RBFOX1: variants seen among roughly 807,000 people sequenced by gnomAD.
RBFOX1 encodes the protein RNA binding protein fox-1 homolog 1.
In RBFOX1, 8 loss-of-function variants were observed where a neutral mutation model predicts 57.7. The ratio of observed to expected loss-of-function variants is 0.14; its 90% CI spans 0.08 to 0.25. RBFOX1 has a LOEUF of 0.25. RBFOX1 is among the 10% of genes least tolerant of loss of function. RBFOX1 has a pLI of 1.00. For missense variants in RBFOX1, 611 were observed against 548.5 expected, an observed-to-expected ratio of 1.11 and a Z score of -1.14; for synonymous variants, 326 against 222.4, an observed-to-expected ratio of 1.47 and a Z score of -4.15.
chr16:7,445,249 G>T (rs2098799314), intron 4 of RBFOX1, among the ~76,000 whole-genome samples: 1 of 152,148 alleles, frequency 6.6e-6, no homozygotes, highest in South Asian at 2.1e-4. Context: ...ACAGTGGAAA[G>T]AAATTAATAA....
intron 4 of RBFOX1, among the ~76,000 whole-genome samples, chr16:7,325,147 C>T (rs1434046593): frequency 6.6e-6 from 1 of 152,180 alleles, no homozygotes; most frequent in Non-Finnish European, 1.5e-5. Flanking sequence ...ATTCTGTTGT[C>T]ACTATGACAA....
At chr16:6,380,828 C>G (rs1252883138) in intron 2 of RBFOX1, among the ~76,000 whole-genome samples, 1 of 152,152 alleles carries the variant, frequency 6.6e-6, no homozygotes, top group Non-Finnish European at 1.5e-5. Context: ...CTGCCTTCAG[C>G]AGTGCCCAAA....
At chr16:6,403,455 C>T (rs561275593) in intron 2 of RBFOX1, among the ~76,000 whole-genome samples, 18 of 152,154 alleles carry the variant, frequency 1.2e-4, no homozygotes, top group African/African-American at 2.2e-4. Flanking sequence ...CCTGGACCAC[C>T]GGAGCTCAGG....
At chr16:5,752,076 A>G (rs775424855) in intron 3 of RBFOX1, among the ~76,000 whole-genome samples, 4 of 152,218 alleles carry the variant, frequency 2.6e-5, no homozygotes, top group Non-Finnish European at 4.4e-5. Flanking sequence ...ATACCATGCA[A>G]TACTATCCAG....
intron 2 of RBFOX1, among the ~76,000 whole-genome samples, chr16:6,596,850 A>G (rs756382165): frequency 2.0e-5 from 3 of 152,190 alleles, no homozygotes; most frequent in Non-Finnish European, 2.9e-5. Context: ...ATAGTTCTAT[A>G]TAGTGCTATA....
At chr16:6,617,963 C>A (rs2098167848) in intron 2 of RBFOX1, among the ~76,000 whole-genome samples, 2 of 152,162 alleles carry the variant, frequency 1.3e-5, no homozygotes, top group Admixed American at 1.3e-4. Flanking sequence ...ATGCTGGTGT[C>A]TTGCAAGTGC....
intron 4 of RBFOX1, among the ~76,000 whole-genome samples, chr16:7,446,545 T>G (rs2098809084): frequency 6.6e-6 from 1 of 152,160 alleles, no homozygotes; most frequent in African/African-American, 2.4e-5. Context: ...TTAATTGCAT[T>G]TCTACCATAC....
At chr16:6,419,955 C>G (rs928034883) in intron 2 of RBFOX1, among the ~76,000 whole-genome samples, 1 of 152,142 alleles carries the variant, frequency 6.6e-6, no homozygotes, top group Non-Finnish European at 1.5e-5. Flanking sequence ...GCCCCCCCAT[C>G]CCTTCCCTTC....
chr16:5,272,293 T>C (rs1257148147), intron 1 of RBFOX1, among the ~76,000 whole-genome samples: 1 of 152,222 alleles, frequency 6.6e-6, no homozygotes, highest in Non-Finnish European at 1.5e-5. Context: ...TCATTCCACA[T>C]TGTATACAGA....
Position 5,580,791 on chromosome 16 carries a change from A to G in RBFOX1, c.259-18111A>G, listed in dbSNP as rs75834948. 8.5e-3 allele frequency among the ~76,000 whole-genome samples: 1,293 copies of G among 152,314 alleles called. 7 individuals carry two copies. The highest frequency in any genetic ancestry group is 0.037 in the Middle Eastern group (11 of 294). ...ACTGGTGGGATTCCAGCGAAGGGCA[A>G]TCCAGACCCAGGAAGCTGTAGGGCA... On this transcript the variant is annotated intron_variant, in intron 2 of 2. Transcript: ENST00000585867.
At chr16:6,004,927 C>T (rs890243741) in intron 4 of RBFOX1, among the ~76,000 whole-genome samples, 5 of 152,170 alleles carry the variant, frequency 3.3e-5, no homozygotes, top group African/African-American at 1.2e-4. Flanking sequence ...GAAGATGTCA[C>T]ATGCACAGTC....
At chr16:6,507,491 C>T (rs1407801853) in intron 2 of RBFOX1, among the ~76,000 whole-genome samples, 1 of 119,320 alleles carries the variant, frequency 8.4e-6, no homozygotes, top group Non-Finnish European at 1.6e-5. Context: ...GGCAACATAA[C>T]AAGACCCTAT....
At chr16:6,009,802 A>ATATGTGTGTGTGTCTCTGTGTGTG (rs2094949607) in intron 4 of RBFOX1, among the ~76,000 whole-genome samples, 1 of 58,562 alleles carries the variant, frequency 1.7e-5, no homozygotes, top group Non-Finnish European at 3.2e-5. Flanking sequence ...CAGTGTGTGT[A>ATATGTGTGTGTGTCTCTGTGTGTG]TGTGTGTGTG....
chr16:6,122,374 AC>A (rs2096557206), intron 1 of RBFOX1, among the ~76,000 whole-genome samples: 1 of 141,076 alleles, frequency 7.1e-6, no homozygotes, highest in East Asian at 3.3e-4. Context: ...ACACACACAC[AC>A]ACACACACAC....
intron 3 of RBFOX1, among the ~76,000 whole-genome samples, chr16:6,743,437 T>A (rs2072784712): frequency 1.3e-5 from 2 of 152,122 alleles, no homozygotes; most frequent in African/African-American, 4.8e-5. Flanking sequence ...ACATTTTAAA[T>A]ATAAAGACAC....
Position 5,790,340 on chromosome 16 carries a change from C to T in RBFOX1, c.319-76963C>T, listed in dbSNP as rs536074348. On this transcript the variant is annotated intron_variant, in intron 3 of 19. Transcript: ENST00000641259. ...GGAAAGGCTTGCCAGAGGGAGAAAC[C>T]CCTGCATTTTCCATTGTCCAAGGTG... is the stretch of plus-strand genomic sequence containing the variant. Among the ~76,000 whole-genome samples, 18 of 152,114 alleles carry T rather than the reference C, an allele frequency of 1.2e-4. No homozygotes were observed. The South Asian group carries it at 2.3e-3, about 19-fold the overall frequency.
At chr16:7,468,846 G>C (rs898767190) in intron 4 of RBFOX1, among the ~76,000 whole-genome samples, 1 of 152,142 alleles carries the variant, frequency 6.6e-6, no homozygotes, top group African/African-American at 2.4e-5. Flanking sequence ...CAAGAGTCAA[G>C]GGTGGGGAGG....
At chr16:6,466,128 C>T (rs2095044520) in intron 2 of RBFOX1, among the ~76,000 whole-genome samples, 1 of 151,432 alleles carries the variant, frequency 6.6e-6, no homozygotes, top group East Asian at 1.9e-4. Flanking sequence ...ACTTGGGAGG[C>T]TGAGGCAGAA....
At chr16:5,626,220 A>C (rs1206814929) in intron 3 of RBFOX1, among the ~76,000 whole-genome samples, 1 of 152,214 alleles carries the variant, frequency 6.6e-6, no homozygotes, top group African/African-American at 2.4e-5. Flanking sequence ...CTCTGGAGGA[A>C]GGATGGCTCA....
Sources: allele counts gnomAD v4.1 joint callset (sites outside exome capture counted in the v4.1 genomes callset), GRCh38; gene constraint gnomAD v4.1.1; transcripts MANE v1.5; gene names NCBI Gene and HGNC (gene_info 2026-07-23, HGNC 2026-07-21).